DSC1: variants seen among roughly 807,000 people sequenced by gnomAD.
DSC1 encodes desmocollin 1, also known as desmocollin-1.
In DSC1, 79 loss-of-function variants were observed where a neutral mutation model predicts 98.8. The ratio of observed to expected loss-of-function variants is 0.80; its 90% confidence interval spans 0.67 to 0.96. DSC1 has a LOEUF of 0.96. Among genes scored for constraint, DSC1 ranks in the 50% least tolerant of loss-of-function variants. DSC1 has a pLI of 0.00. For missense variants in DSC1, 1,115 were observed against 1,075.9 expected, an observed-to-expected ratio of 1.04 and a Z score of -0.51; for synonymous variants, 405 against 372.1, an observed-to-expected ratio of 1.09 and a Z score of -1.02.
intron 8 of DSC1, 115 bp downstream of exon 8, chr18:31,143,542 G>A: frequency 1.5e-6 from 1 of 686,532 alleles, no homozygotes; most frequent in East Asian, 3.1e-5. Flanking sequence ...TTTGTAAGTA[G>A]TAGTTATTTA....
intron 7 of DSC1, among the ~76,000 whole-genome samples, chr18:31,144,936 C>CTTTTTTTTTTT (rs200787420): frequency 1.0e-5 from 1 of 95,308 alleles, no homozygotes; most frequent in Non-Finnish European, 1.9e-5. Context: ...TTTTCTTTTT[C>CTTTTTTTTTTT]TTTCTTTTTT....
intron 13 of DSC1, 68 bp downstream of exon 13, chr18:31,133,823 C>A: frequency 6.8e-7 from 1 of 1,471,120 alleles, no homozygotes; most frequent in Non-Finnish European, 9.1e-7. Flanking sequence ...AAAAAACTTC[C>A]ATGTTTTAAA....
intron 6 of DSC1, among the ~76,000 whole-genome samples, chr18:31,147,995 C>T (rs899283205): frequency 2.0e-5 from 3 of 149,384 alleles, no homozygotes; most frequent in South Asian, 2.1e-4. Flanking sequence ...GAAAAAATAA[C>T]CTCTTACTTT....
At chr18:31,159,424 A>G (rs1158212008) in intron 2 of DSC1, 21 bp downstream of exon 2, 1 of 1,606,678 alleles carries the variant, frequency 6.2e-7, no homozygotes, top group African/African-American at 1.3e-5. Context: ...CAGCTATGAA[A>G]CTGTTAATAG....
At chr18:31,162,286 A>G (rs748742595) in intron 1 of DSC1, among the ~76,000 whole-genome samples, 5 of 152,202 alleles carry the variant, frequency 3.3e-5, no homozygotes, top group Non-Finnish European at 7.3e-5. Flanking sequence ...GCAGGATGGA[A>G]GAGGGATTCC....
intron 2 of DSC1, among the ~76,000 whole-genome samples, chr18:31,159,051 T>G (rs1382091900): frequency 1.1e-5 from 1 of 88,136 alleles, no homozygotes; most frequent in Non-Finnish European, 2.3e-5. Context: ...TATGTGGTTT[T>G]TTTTTTTTTT....
At position 31,129,665 on chromosome 18, in the gene DSC1, T is replaced by C. The variant is rs1988442114; in HGVS notation, c.*849A>G. 1.3e-5 allele frequency: 2 copies of C among 152,170 alleles called. No individual in the cohort carries two copies. The highest frequency in any genetic ancestry group is 4.1e-4 in the South Asian group (2 of 4,832). The allele number at this position is 152,170 out of a possible 1,614,324, so 9.4% of individuals were successfully genotyped here. ...GGCCTATGTCAAACTCAAGAGTGAA[T>C]GTTTTTGCTAAAGTATTTATATTTT... is the stretch of plus-strand genomic sequence containing the variant. On this transcript the variant is annotated 3_prime_UTR_variant, in exon 16 of 16. Transcript: ENST00000257198.
intron 2 of DSC1, among the ~76,000 whole-genome samples, chr18:31,158,561 GCCAGTGAAAAA>G (rs938573564): frequency 3.3e-5 from 5 of 152,246 alleles, no homozygotes; most frequent in South Asian, 4.1e-4. Flanking sequence ...TGAATGCAAA[GCCAGTGAAAAA>G]CCTTGATGAA....
intron 4 of DSC1, 41 bp downstream of exon 4, chr18:31,156,002 A>C: frequency 6.3e-7 from 1 of 1,599,296 alleles, no homozygotes; most frequent in Non-Finnish European, 8.5e-7. Context: ...AAGAACAAAA[A>C]AAAATTTGGA....
intron 5 of DSC1, among the ~76,000 whole-genome samples, chr18:31,152,793 A>C (rs1989026168): frequency 6.6e-6 from 1 of 151,930 alleles, no homozygotes; most frequent in African/African-American, 2.4e-5. Context: ...ACTATTATTA[A>C]AGTATATTAC....
rs1288048533 is a variant in DSC1 at position 31,134,686 on chromosome 18, CATT to C, written c.1759_1761del (p.Asn587del). On this transcript the variant is annotated inframe_deletion, in exon 12 of 16. Transcript: ENST00000257198. ...ACAGGTTTCAGAACAGCAAAATCCT[CATT>C]ATTCTGACAAATGGTCACTTCTTTG... is the stretch of plus-strand genomic sequence containing the variant. The C allele has an allele frequency of 6.2e-7, 1 of 1,613,072 alleles. No individual in the cohort carries two copies. Among genetic ancestry groups the C allele is most frequent in the Non-Finnish European group, 8.5e-7 (1 of 1,179,540 alleles).
At chr18:31,156,263 A>G in intron 3 of DSC1, 101 bp from the exon 4 acceptor site, 1 of 1,383,244 alleles carries the variant, frequency 7.2e-7, no homozygotes, top group Non-Finnish European at 9.8e-7. Context: ...AGGGTTACAC[A>G]TTACAATATC....
At chr18:31,153,740 T>A (rs1373785435) in intron 5 of DSC1, among the ~76,000 whole-genome samples, 5 of 152,160 alleles carry the variant, frequency 3.3e-5, no homozygotes, top group African/African-American at 4.8e-5. Flanking sequence ...AAATTACACT[T>A]CAGCCAGGGT....
chr18:31,133,788 C>T lies in DSC1; in HGVS notation c.2116+103G>A, dbSNP rs1988545313. 3 of 1,165,520 alleles carry T rather than the reference C, an allele frequency of 2.6e-6. No individual in the cohort carries two copies. The South Asian group carries it at 5.3e-5, about 21-fold the overall frequency. The allele number at this position is 1,165,520 out of a possible 1,614,324, so 72.2% of individuals were successfully genotyped here. A position where few individuals can be genotyped will look rare whatever the true frequency, so the allele number is the denominator to read the frequency against. ...AATAGATACAATATTTTTAAAAGAA[C>T]ACACTTCCCAAAGGCTATTAATATA... On this transcript the variant is annotated intron_variant, in intron 13 of 15. Coordinates refer to ENST00000257198, the MANE Select transcript of DSC1 (RefSeq NM_024421.2).
At chr18:31,140,465 C>T (rs1477027847) in intron 9 of DSC1, among the ~76,000 whole-genome samples, 164 bp from the exon 10 acceptor site, 1 of 152,164 alleles carries the variant, frequency 6.6e-6, no homozygotes, top group Non-Finnish European at 1.5e-5. Context: ...AAGTGACAAA[C>T]ATTGCCAAAT....
chr18:31,162,655 G>T lies in DSC1; in HGVS notation c.-61C>A, dbSNP rs1021437392. 1 of 1,499,680 alleles carries T rather than the reference G, an allele frequency of 6.7e-7. No individual in the cohort carries two copies. Among genetic ancestry groups the T allele is most frequent in the South Asian group, 1.1e-5 (1 of 88,550 alleles). The allele number at this position is 1,499,680 out of a possible 1,614,324, so 92.9% of individuals were successfully genotyped here. A position where few individuals can be genotyped will look rare whatever the true frequency, so the allele number is the denominator to read the frequency against. ...ATAACAGGGCAGCCTGGGATGCACA[G>T]AGCGGCTAAGAAGACGCTGGCACTT... On this transcript the variant is annotated 5_prime_UTR_variant, in exon 1 of 16. In the 5' UTR this introduces an upstream ATG that the reference lacks. Transcript: ENST00000257198.
chr18:31,154,972 A>G (rs545189281), intron 4 of DSC1, 43 bp from the exon 5 acceptor site: 3 of 1,601,350 alleles, frequency 1.9e-6, no homozygotes, highest in South Asian at 2.3e-5. Context: ...GTCATGATGA[A>G]TATTTTCAAC....
In DSC1 at chr18:31,134,565, T is replaced by A; in HGVS notation, c.1876+7A>T. ...TATTGACTATAAAATTTAGCATGAT[T>A]ACATACCATCCTTTTCTTCTATGTT... On this transcript the variant is annotated splice_region_variant and intron_variant, in intron 12 of 15. Transcript: ENST00000257198. 6.2e-7 allele frequency: 1 copy of A among 1,600,358 alleles called. No homozygotes were observed.
Position 31,150,375 on chromosome 18 carries a change from TCA to T in DSC1, c.628-1735_628-1734del, listed in dbSNP as rs1568002886. Among the ~76,000 whole-genome samples, 93 of 30,804 alleles carry T rather than the reference TCA, an allele frequency of 3.0e-3. 7 individuals carry two copies. The highest frequency in any genetic ancestry group is 0.019 in the East Asian group (8 of 418). The allele number at this position is 30,804 out of a possible 152,430, so 20.2% of individuals were successfully genotyped here. A position where few individuals can be genotyped will look rare whatever the true frequency, so the allele number is the denominator to read the frequency against. ...ACCACCACCATCATCACCACCACCA[TCA>T]TCACCACCATCACCACCATTATCAC... On this transcript the variant is annotated intron_variant, in intron 5 of 15. Transcript: ENST00000257198.
Sources: gnomAD v4.1 joint callset for allele counts (sites outside exome capture counted in the v4.1 genomes callset) on GRCh38, gnomAD v4.1.1 for gene constraint, MANE v1.5 for transcripts, NCBI Gene and HGNC (gene_info 2026-07-23, HGNC 2026-07-21) for gene names.